Variants in PDE4D observed in about 807,000 individuals in gnomAD.
PDE4D encodes 3',5'-cyclic-AMP phosphodiesterase 4D.
A neutral mutation model predicts 87.4 loss-of-function variants in PDE4D; 24 were observed. That is an observed-to-expected ratio of 0.27 (90% CI 0.20 to 0.39). The LOEUF (loss-of-function observed/expected upper bound fraction) is 0.39. Ranked by LOEUF, PDE4D falls within the 10% of genes least tolerant of loss-of-function variation. The pLI, the probability that PDE4D is intolerant of heterozygous loss-of-function variation, is 1.00. For missense variants in PDE4D, 714 were observed against 1,041.0 expected (o/e 0.69, Z 4.32); for synonymous variants, 384 against 383.2 (o/e 1.00, Z -0.02).
intron 1 of PDE4D, among the ~76,000 whole-genome samples, chr5:60,208,438 G>A (rs1165639805): frequency 6.6e-6 from 1 of 152,166 alleles, no homozygotes; most frequent in East Asian, 1.9e-4. Flanking sequence ...GTGTATGTAG[G>A]GTTGAACTGT....
chr5:59,609,182 T>C (rs1224381034), intron 1 of PDE4D, among the ~76,000 whole-genome samples: 1 of 152,040 alleles, frequency 6.6e-6, no homozygotes, highest in Non-Finnish European at 1.5e-5. Flanking sequence ...AGTAGAAGGA[T>C]ATAGATGCAA....
chr5:60,202,321 C>T (rs773760642), intron 1 of PDE4D, among the ~76,000 whole-genome samples: 1 of 152,064 alleles, frequency 6.6e-6, no homozygotes, highest in African/African-American at 2.4e-5. Flanking sequence ...GGCCACCATA[C>T]TGGGCTAATT....
chr5:60,418,083 G>GA, intron 1 of PDE4D, among the ~76,000 whole-genome samples: 1 of 152,178 alleles, frequency 6.6e-6, no homozygotes, highest in African/African-American at 2.4e-5. Context: ...GTTTCCACAG[G>GA]AAAACATTGA....
chr5:60,262,674 T>C (rs1312869040), intron 1 of PDE4D: 2 of 152,220 alleles, frequency 1.3e-5, no homozygotes, highest in East Asian at 1.9e-4. Context: ...TTCAGCATAA[T>C]TGAAGTCACA....
chr5:59,591,785 A>G (rs1825957174), intron 1 of PDE4D, among the ~76,000 whole-genome samples: 1 of 152,054 alleles, frequency 6.6e-6, no homozygotes, highest in African/African-American at 2.4e-5. Context: ...ACATACAAAA[A>G]CTTCTATGTA....
At chr5:59,588,922 T>C (rs949307048) in intron 1 of PDE4D, among the ~76,000 whole-genome samples, 1 of 152,256 alleles carries the variant, frequency 6.6e-6, no homozygotes, top group African/African-American at 2.4e-5. Flanking sequence ...TAACAAGCTT[T>C]GAATGTTTTG....
At chr5:60,482,031 T>C (rs1748767333) in intron 1 of PDE4D, among the ~76,000 whole-genome samples, 1 of 152,208 alleles carries the variant, frequency 6.6e-6, no homozygotes, top group African/African-American at 2.4e-5. Flanking sequence ...GGATCATTGT[T>C]GTGGACTGAA....
intron 1 of PDE4D, among the ~76,000 whole-genome samples, chr5:59,260,382 A>T (rs1055089586): frequency 6.6e-6 from 1 of 151,888 alleles, no homozygotes; most frequent in African/African-American, 2.4e-5. Context: ...AGCAATTGGC[A>T]CCAAGGGAAT....
intron 1 of PDE4D, among the ~76,000 whole-genome samples, chr5:59,362,563 G>A (rs530958084): frequency 7.9e-5 from 12 of 152,228 alleles, no homozygotes; most frequent in Middle Eastern, 3.4e-3. Flanking sequence ...AGAATTTCTC[G>A]ATTGCTCAAA....
intron 1 of PDE4D, among the ~76,000 whole-genome samples, chr5:60,437,131 T>A (rs10514900): frequency 0.026 from 3,945 of 152,158 alleles, 175 homozygotes; most frequent in African/African-American, 0.089. Flanking sequence ...ATCTACTCTA[T>A]CTGGTTGTTG....
At chr5:59,930,280 A>C (rs989092772) in intron 3 of PDE4D, among the ~76,000 whole-genome samples, 7 of 152,158 alleles carry the variant, frequency 4.6e-5, no homozygotes, top group African/African-American at 1.7e-4. Context: ...TAAGGATCTC[A>C]AGGTGAAATC....
intron 1 of PDE4D, among the ~76,000 whole-genome samples, chr5:59,670,430 A>G (rs1414810563): frequency 6.6e-6 from 1 of 152,234 alleles, no homozygotes; most frequent in Admixed American, 6.5e-5. Flanking sequence ...ACCTCATGTG[A>G]CAAGTCATAG....
intron 1 of PDE4D, among the ~76,000 whole-genome samples, chr5:59,349,835 T>C (rs1426779721): frequency 6.6e-6 from 1 of 152,118 alleles, no homozygotes; most frequent in Non-Finnish European, 1.5e-5. Flanking sequence ...GGCCACCTTA[T>C]AAAACCAATA....
chr5:59,903,011 T>G (rs1452563531), intron 3 of PDE4D, among the ~76,000 whole-genome samples: 1 of 152,184 alleles, frequency 6.6e-6, no homozygotes, highest in Non-Finnish European at 1.5e-5. Context: ...AAAATTTTTG[T>G]GAAGTGGTGT....
chr5:60,080,230 C>G (rs931138101), intron 2 of PDE4D, among the ~76,000 whole-genome samples: 2 of 152,050 alleles, frequency 1.3e-5, no homozygotes, highest in Non-Finnish European at 2.9e-5. Context: ...TACATTGATT[C>G]TGTATCTTGA....
At chr5:60,400,125 T>C (rs949595859) in intron 1 of PDE4D, among the ~76,000 whole-genome samples, 7 of 152,222 alleles carry the variant, frequency 4.6e-5, no homozygotes, top group Non-Finnish European at 1.0e-4. Context: ...ATTTATTTCA[T>C]GACTGCATCA....
At chr5:59,712,996 T>C (rs1168315163) in intron 1 of PDE4D, among the ~76,000 whole-genome samples, 5 of 152,186 alleles carry the variant, frequency 3.3e-5, no homozygotes, top group Admixed American at 2.0e-4. Context: ...TTCAACTGCT[T>C]TGGCATGGAT....
At chr5:59,106,690 G>A (rs1771636689) in intron 5 of PDE4D, among the ~76,000 whole-genome samples, 1 of 152,200 alleles carries the variant, frequency 6.6e-6, no homozygotes, top group Admixed American at 6.5e-5. Context: ...AACCCGGGAG[G>A]CGGAGTTTGC....
At chr5:59,282,457 A>G (rs558269383) in intron 1 of PDE4D, among the ~76,000 whole-genome samples, 49 of 152,088 alleles carry the variant, frequency 3.2e-4, no homozygotes, top group African/African-American at 1.1e-3. Context: ...CCTGGCAAAC[A>G]TGGTGAAACC....
Sources: allele counts gnomAD v4.1 joint callset (sites outside exome capture counted in the v4.1 genomes callset), GRCh38; gene constraint gnomAD v4.1.1; transcripts MANE v1.5; gene names NCBI Gene and HGNC (gene_info 2026-07-23, HGNC 2026-07-21).